IMMP1L: variants seen among roughly 807,000 people sequenced by gnomAD.
IMMP1L encodes inner mitochondrial membrane peptidase subunit 1, also known as mitochondrial inner membrane protease subunit 1.
In IMMP1L, 24 loss-of-function variants were observed where a neutral mutation model predicts 21.8. The observed-to-expected ratio is 1.10, with a 90% confidence interval of 0.80 to 1.55. The LOEUF (loss-of-function observed/expected upper bound fraction) is 1.55, where lower values mean the gene tolerates loss of function less well. IMMP1L is among the 40% of genes most tolerant of loss of function. The pLI is 0.00. For missense variants in IMMP1L, 195 were observed against 200.7 expected (o/e 0.97, Z 0.17); for synonymous variants, 46 against 62.8 (o/e 0.73, Z 1.26).
chr11:31,482,227 G>T (rs553165933), intron 1 of IMMP1L, among the ~76,000 whole-genome samples: 1 of 152,102 alleles, frequency 6.6e-6, no homozygotes, highest in East Asian at 1.9e-4. Flanking sequence ...TGTAAATACA[G>T]ACTGAAATTT....
At chr11:31,438,188 T>C (rs2133549403) in intron 4 of IMMP1L, among the ~76,000 whole-genome samples, 1 of 152,290 alleles carries the variant, frequency 6.6e-6, no homozygotes, top group Non-Finnish European at 1.5e-5. Context: ...TGTATGACTG[T>C]GTTCCTGTTG....
intron 1 of IMMP1L, among the ~76,000 whole-genome samples, chr11:31,488,012 A>G (rs931699872): frequency 2.6e-5 from 4 of 152,136 alleles, no homozygotes; most frequent in Non-Finnish European, 5.9e-5. Context: ...CCCATCTATT[A>G]AGTGCCAACT....
At chr11:31,505,873 T>C (rs2133841711) in intron 1 of IMMP1L, among the ~76,000 whole-genome samples, 1 of 152,352 alleles carries the variant, frequency 6.6e-6, no homozygotes, top group South Asian at 2.1e-4. Context: ...GCTTACTTTA[T>C]GGAAAGAATG....
At chr11:31,452,194 T>C (rs1953779139) in intron 4 of IMMP1L, 9 of 979,902 alleles carry the variant, frequency 9.2e-6, no homozygotes, top group South Asian at 9.4e-5. Context: ...CATGGGAGTT[T>C]GTTTAGATGC....
intron 4 of IMMP1L, among the ~76,000 whole-genome samples, chr11:31,447,262 T>C (rs141722703): frequency 2.0e-4 from 31 of 152,338 alleles, no homozygotes; most frequent in South Asian, 4.1e-4. Context: ...TACCCTTAGA[T>C]GTCCCCCCTC....
chr11:31,454,549 T>A (rs184792136), intron 4 of IMMP1L, among the ~76,000 whole-genome samples: 1 of 150,986 alleles, frequency 6.6e-6, no homozygotes, highest in Non-Finnish European at 1.5e-5. Flanking sequence ...ATGGTAAATA[T>A]CCTAATTTCA....
rs535882435 is a variant in IMMP1L at position 31,467,010 on chromosome 11, A to G, written c.-29-3705T>C. On this transcript the variant is annotated intron_variant, in intron 1 of 5. Transcript: ENST00000532287. Reference sequence around the variant, plus strand: ...TACTGTATACATGTAACACAATATCACTGTATCCCATTAATACATACAATT... The same window carrying G: ...TACTGTATACATGTAACACAATATCGCTGTATCCCATTAATACATACAATT... Among the ~76,000 whole-genome samples, 95 of 152,288 alleles carry G rather than the reference A, an allele frequency of 6.2e-4. 1 individual carries two copies. The highest frequency in any genetic ancestry group is 3.1e-4 in the Non-Finnish European group (21 of 67,996).
intron 1 of IMMP1L, among the ~76,000 whole-genome samples, chr11:31,474,181 C>T (rs1031747986): frequency 6.6e-6 from 1 of 152,090 alleles, no homozygotes; most frequent in African/African-American, 2.4e-5. Flanking sequence ...AATACTTACA[C>T]AAAATCCATT....
chr11:31,495,274 C>CT (rs1955395419), intron 1 of IMMP1L, among the ~76,000 whole-genome samples: 1 of 152,210 alleles, frequency 6.6e-6, no homozygotes, highest in South Asian at 2.1e-4. Context: ...TTCCAAGTCT[C>CT]TAGGAAGTTC....
At chr11:31,508,885 A>T (rs1955885271) in intron 1 of IMMP1L, among the ~76,000 whole-genome samples, 1 of 152,254 alleles carries the variant, frequency 6.6e-6, no homozygotes. Flanking sequence ...TTTTAGTAAT[A>T]AACTCTCGAT....
intron 4 of IMMP1L, chr11:31,448,950 A>G (rs920103184): frequency 1.0e-6 from 1 of 985,342 alleles, no homozygotes; most frequent in Non-Finnish European, 1.2e-6. Flanking sequence ...TCACCTCCGC[A>G]GTGAACTTCA....
intron 4 of IMMP1L, among the ~76,000 whole-genome samples, chr11:31,435,505 C>T (rs959928069): frequency 1.3e-5 from 2 of 151,952 alleles, no homozygotes; most frequent in Non-Finnish European, 1.5e-5. Context: ...CGGTTTTTGC[C>T]GCAAAATACA....
chr11:31,477,726 C>A (rs1334636915), intron 1 of IMMP1L: 1 of 159,738 alleles, frequency 6.3e-6, no homozygotes, highest in Non-Finnish European at 1.3e-5. Context: ...TCCTTTTCAT[C>A]CCATCCTTTC....
intron 4 of IMMP1L, among the ~76,000 whole-genome samples, chr11:31,438,152 T>C (rs892889918): frequency 1.3e-5 from 2 of 152,136 alleles, no homozygotes; most frequent in African/African-American, 4.8e-5. Context: ...TTCAAAGTGA[T>C]ACTATTGTAT....
At chr11:31,500,821 G>A (rs1236192446) in intron 1 of IMMP1L, among the ~76,000 whole-genome samples, 1 of 151,996 alleles carries the variant, frequency 6.6e-6, no homozygotes, top group Non-Finnish European at 1.5e-5. Context: ...TCATATACAT[G>A]TTATCTGTGA....
intron 1 of IMMP1L, among the ~76,000 whole-genome samples, chr11:31,509,017 T>G (rs1252332846): frequency 6.6e-6 from 1 of 152,198 alleles, no homozygotes; most frequent in Admixed American, 6.5e-5. Flanking sequence ...CAATTAAATG[T>G]GTGAACAAGG....
Position 31,452,895 on chromosome 11 carries a change from C to T in IMMP1L, c.321+3365G>A, listed in dbSNP as rs1953804366. 17 of 579,926 alleles carry T rather than the reference C, an allele frequency of 2.9e-5. No individual in the cohort carries two copies. In the South Asian group the frequency reaches 3.1e-4, roughly 10 times the overall value. The allele number at this position is 579,926 out of a possible 1,614,324, so 35.9% of individuals were successfully genotyped here. On this transcript the variant is annotated intron_variant, in intron 4 of 5. Coordinates refer to ENST00000532287, the MANE Select transcript of IMMP1L (RefSeq NM_001304274.2). ...CCTCCCAAGTAGCTGAGATGACAGG[C>T]GCCTGCCACCACGCCTGGCTAATTT...
chr11:31,495,624 A>T (rs1358769950), intron 1 of IMMP1L, among the ~76,000 whole-genome samples: 3 of 152,232 alleles, frequency 2.0e-5, no homozygotes, highest in Non-Finnish European at 4.4e-5. Context: ...GTCAAAATTT[A>T]GTACAAAGTT....
chr11:31,441,852 T>A (rs1308836766), intron 4 of IMMP1L, among the ~76,000 whole-genome samples: 2 of 152,084 alleles, frequency 1.3e-5, no homozygotes, highest in African/African-American at 4.8e-5. Flanking sequence ...AATAAACACA[T>A]TTATAGTAAA....
Sources: allele counts gnomAD v4.1 joint callset (sites outside exome capture counted in the v4.1 genomes callset), GRCh38; gene constraint gnomAD v4.1.1; transcripts MANE v1.5; gene names NCBI Gene and HGNC (gene_info 2026-07-23, HGNC 2026-07-21).